Variants in GFM1 observed in about 807,000 individuals in gnomAD.
The protein encoded by GFM1 is elongation factor G, mitochondrial.
Under a neutral mutation model 96.2 loss-of-function variants are expected in GFM1, and 62 were observed. The ratio of observed to expected loss-of-function variants is 0.64; its 90% CI spans 0.53 to 0.80. The LOEUF (loss-of-function observed/expected upper bound fraction) is 0.80. Among genes scored for constraint, GFM1 ranks in the 30% least tolerant of loss-of-function variants. The pLI is 0.00. For synonymous variants in GFM1, 282 were observed against 312.9 expected (o/e 0.90, Z 1.04); for missense variants, 852 against 916.6 (o/e 0.93, Z 0.91).
At chr3:158,649,822 A>C (rs1443827195) in intron 5 of GFM1, 1 of 570,100 alleles carries the variant, frequency 1.8e-6, no homozygotes, top group African/African-American at 1.9e-5. Context: ...CTACCTCCAG[A>C]GATTCTGATC....
At chr3:158,691,279 A>T (rs1726291005) in intron 17 of GFM1, 57 bp from the exon 18 acceptor site, 1 of 1,606,972 alleles carries the variant, frequency 6.2e-7, no homozygotes, top group African/African-American at 1.4e-5. Flanking sequence ...CTTTTACTTG[A>T]TAGTTTAAAA....
Position 158,652,181 on chromosome 3 carries a change from A to G in GFM1, c.775A>G (p.Asn259Asp). ...HRQELIECVANSDEQLGEMFL... is the reference protein window; with the variant it reads ...HRQELIECVADSDEQLGEMFL... ...GCAGGAGCTAATTGAATGTGTTGCCAATTCAGATGAACAGCTTGGTGAGAT... is the reference window on the plus strand; with the variant it reads ...GCAGGAGCTAATTGAATGTGTTGCCGATTCAGATGAACAGCTTGGTGAGAT... The change falls in exon 6 of 18, where the codon AAT (asparagine) becomes GAT (aspartate). Residue 259 changes from asparagine (N) to aspartate (D), a missense_variant. Physicochemically the swap from Asn to Asp is conservative, Grantham distance 23. Transcript: ENST00000486715. 1 of 1,614,072 alleles carries G rather than the reference A, an allele frequency of 6.2e-7. No homozygotes were observed. Among genetic ancestry groups the G allele is most frequent in the South Asian group, 1.1e-5 (1 of 91,084 alleles).
At chr3:158,677,768 C>G (rs899330920) in intron 13 of GFM1, among the ~76,000 whole-genome samples, 1 of 152,222 alleles carries the variant, frequency 6.6e-6, no homozygotes, top group Non-Finnish European at 1.5e-5. Context: ...TCCCAAAGTG[C>G]TGGGATTACA....
At chr3:158,652,480 C>G (rs1722378542) in intron 6 of GFM1, among the ~76,000 whole-genome samples, 1 of 152,014 alleles carries the variant, frequency 6.6e-6, no homozygotes, top group Non-Finnish European at 1.5e-5. Context: ...TATTGGGGAC[C>G]TGATTTTAGT....
intron 4 of GFM1, among the ~76,000 whole-genome samples, chr3:158,648,219 A>G (rs1721989955): frequency 6.6e-6 from 1 of 151,950 alleles, no homozygotes; most frequent in Admixed American, 6.6e-5. Context: ...AGTGCTATTA[A>G]GTTCACATTT....
chr3:158,685,457 T>C (rs1264006172), intron 15 of GFM1: 8 of 152,212 alleles, frequency 5.3e-5, no homozygotes, highest in African/African-American at 1.7e-4. Context: ...TTCAGAAATA[T>C]CTTTATCAAA....
Position 158,646,839 on chromosome 3 carries a change from C to A in GFM1, c.464C>A (p.Thr155Asn), listed in dbSNP as rs1721854148. ...LCAVGGVQCQ[T>N]MTVNRQMKRY... ...GCTGTTGGAGGGGTACAGTGCCAGA[C>A]CATGACTGTCAATCGTCAGATGAAG... The change falls in exon 4 of 18, where the codon ACC (threonine) becomes AAC (asparagine). Residue 155 changes from threonine to asparagine, a missense_variant. Coordinates refer to ENST00000486715, the MANE Select transcript of GFM1 (RefSeq NM_024996.7). The A allele has an allele frequency of 6.2e-7, 1 of 1,613,978 alleles. No individual in the cohort carries two copies. The highest frequency in any genetic ancestry group is 1.3e-5 in the African/African-American group (1 of 74,924).
chr3:158,644,881 C>G, intron 1 of GFM1, 166 bp downstream of exon 1: 1 of 649,302 alleles, frequency 1.5e-6, no homozygotes, highest in Non-Finnish European at 2.9e-6. Context: ...CACATTAGCT[C>G]GTTAGCTCGT....
At chr3:158,671,279 CTTTA>C (rs1162274553) in intron 13 of GFM1, among the ~76,000 whole-genome samples, 2 of 152,178 alleles carry the variant, frequency 1.3e-5, no homozygotes, top group East Asian at 1.9e-4. Context: ...CATCAAAAGA[CTTTA>C]TTTAACCCCT....
rs1726279202 is a variant in GFM1, at chr3:158,691,142, C to T, written c.2074C>T (p.Pro692Ser). Residue 692 changes from proline to serine, a missense_variant, in exon 17 of 18, where the codon CCT (proline) becomes TCT (serine). Pro to Ser is a moderately conservative substitution (Grantham distance 74). Transcript: ENST00000486715. ...TATCTACTATGTTTGTTTTCAGGTC[C>T]CTCTAAATGATATGTTTGGTTATTC... ...EDYFTLYADVPLNDMFGYSTE... is the reference protein window; with the variant it reads ...EDYFTLYADVSLNDMFGYSTE... 1.2e-6 allele frequency: 2 copies of T among 1,607,514 alleles called. No individual in the cohort carries two copies. Among genetic ancestry groups the T allele is most frequent in the Non-Finnish European group, 1.7e-6 (2 of 1,174,310 alleles).
At chr3:158,688,845 A>T (rs1044702688) in intron 15 of GFM1, among the ~76,000 whole-genome samples, 5 of 152,214 alleles carry the variant, frequency 3.3e-5, no homozygotes, top group African/African-American at 1.2e-4. Flanking sequence ...GTGAGCTAGG[A>T]TATGATTTAA....
In GFM1 at chr3:158,646,820, G is replaced by GGAGGGGT; in HGVS notation, c.446_452dup (p.Gln152ArgfsTer25). 3 of 1,614,172 alleles carry GGAGGGGT rather than the reference G, an allele frequency of 1.9e-6. No homozygotes were observed. The highest frequency in any genetic ancestry group is 2.5e-6 in the Non-Finnish European group (3 of 1,180,004). ...TGCAGTCCTTGTTCTCTGTGCTGTT[G>GGAGGGGT]GAGGGGTACAGTGCCAGACCATGAC... On this transcript the variant is annotated frameshift_variant, in exon 4 of 18. Coordinates refer to ENST00000486715, the MANE Select transcript of GFM1 (RefSeq NM_024996.7). LOFTEE classifies it high-confidence loss of function.
At chr3:158,651,985 G>T in intron 5 of GFM1, 111 bp from the exon 6 acceptor site, 1 of 865,040 alleles carries the variant, frequency 1.2e-6, no homozygotes, top group African/African-American at 1.7e-5. Context: ...AAATGTATCA[G>T]AGCTCTTTGT....
intron 2 of GFM1, 137 bp from the exon 3 acceptor site, chr3:158,646,028 C>A: frequency 9.0e-7 from 1 of 1,110,234 alleles, no homozygotes; most frequent in Non-Finnish European, 1.4e-6. Context: ...AATTATCATC[C>A]TGCCTCAGTC....
Position 158,691,319 on chromosome 3 carries a change from TTTTTTTAAA to T in GFM1, c.2125-15_2125-7del. ...AACAAACAAACAAAAAACCCTCTCTTTTTTTTAAATCCCTAGGGAAAGGGAGAATACACA... is the reference window on the plus strand; with the variant it reads ...AACAAACAAACAAAAAACCCTCTCTTTCCCTAGGGAAAGGGAGAATACACA... On this transcript the variant is annotated splice_polypyrimidine_tract_variant and splice_region_variant and intron_variant, in intron 17 of 17. Coordinates refer to ENST00000486715, the MANE Select transcript of GFM1 (RefSeq NM_024996.7). 1 of 1,613,702 alleles carries T rather than the reference TTTTTTTAAA, an allele frequency of 6.2e-7. No individual in the cohort carries two copies. Among genetic ancestry groups the T allele is most frequent in the Non-Finnish European group, 8.5e-7 (1 of 1,179,772 alleles).
chr3:158,652,107 G>A lies in GFM1; in HGVS notation c.701G>A (p.Arg234Gln), dbSNP rs1202361363. 2 of 1,613,920 alleles carry A rather than the reference G, an allele frequency of 1.2e-6. No individual in the cohort carries two copies. The highest frequency in any genetic ancestry group is 1.3e-5 in the African/African-American group (1 of 75,000). Reference sequence around the variant, plus strand: ...ATTTGCTTTCTTAGTCAGATTGTTCGATATGGTGAGATTCCAGCTGAATTA... The same window carrying A: ...ATTTGCTTTCTTAGTCAGATTGTTCAATATGGTGAGATTCCAGCTGAATTA... Reference protein sequence around the residue: ...YFDGDFGQIVRYGEIPAELRA... With the variant: ...YFDGDFGQIVQYGEIPAELRA... Residue 234 changes from arginine to glutamine, a missense_variant, in exon 6 of 18, where the codon CGA (arginine) becomes CAA (glutamine). Transcript: ENST00000486715.
At position 158,691,317 on chromosome 3, in the gene GFM1, C is replaced by CT. The variant is rs747030381; in HGVS notation, c.2125-11dup. On this transcript the variant is annotated intron_variant, in intron 17 of 17. Transcript: ENST00000486715. ...CAAACAAACAAACAAAAAACCCTCT[C>CT]TTTTTTTTAAATCCCTAGGGAAAGG... 3.2e-5 allele frequency: 51 copies of CT among 1,611,132 alleles called. No homozygotes were observed. Among genetic ancestry groups the CT allele is most frequent in the Middle Eastern group, 1.6e-4 (1 of 6,076 alleles).
At position 158,659,051 on chromosome 3, in the gene GFM1, A is replaced by G. The variant is rs369426408; in HGVS notation, c.1213A>G (p.Met405Val). The change falls in exon 9 of 18, where the codon ATG becomes GTG. Residue 405 changes from methionine (M) to valine (V), a missense_variant. Coordinates refer to ENST00000486715, the MANE Select transcript of GFM1 (RefSeq NM_024996.7). ...LQRLARMHAD[M>V]MEDVEEVYAG... ...ACGGCTGGCTCGCATGCATGCCGAC[A>G]TGATGGAGGCAAGTACAGAGTCATT... is the stretch of plus-strand genomic sequence containing the variant. 7.4e-6 allele frequency: 12 copies of G among 1,614,214 alleles called. No individual in the cohort carries two copies. In the African/African-American group the frequency reaches 1.6e-4, roughly 22 times the overall value.
In GFM1 at chr3:158,687,216, G is replaced by A. The variant is rs142873329; in HGVS notation, c.1909+2548G>A. Among the ~76,000 whole-genome samples, 572 of 151,976 alleles carry A rather than the reference G, an allele frequency of 3.8e-3. 3 individuals carry two copies. Among genetic ancestry groups the A allele is most frequent in the African/African-American group, 0.013 (529 of 41,456 alleles). On this transcript the variant is annotated intron_variant, in intron 15 of 17. Coordinates refer to ENST00000486715, the MANE Select transcript of GFM1 (RefSeq NM_024996.7). The stretch of plus-strand genomic sequence containing the variant: ...TGTAGAGGTGGGGTATTGCTTTGTT[G>A]CCCAGGCTGGTCTCAAACTCCTGGG...
Sources: gnomAD v4.1 joint callset for allele counts (sites outside exome capture counted in the v4.1 genomes callset) on GRCh38, gnomAD v4.1.1 for gene constraint, MANE v1.5 for transcripts, NCBI Gene and HGNC (gene_info 2026-07-23, HGNC 2026-07-21) for gene names.